Variants in PPP3R1 observed in about 807,000 individuals in gnomAD.
PPP3R1 encodes protein phosphatase 3 regulatory subunit B, alpha, also known as calcineurin subunit B type 1.
Under a neutral mutation model 22.6 loss-of-function variants are expected in PPP3R1, and 5 were observed. The observed-to-expected ratio is 0.22, with a 90% CI of 0.12 to 0.46. The LOEUF (loss-of-function observed/expected upper bound fraction) is 0.46. PPP3R1 is among the 20% of genes least tolerant of loss of function. The pLI, the probability that PPP3R1 is intolerant of heterozygous loss-of-function variation, is 0.99. For missense variants in PPP3R1, 61 were observed against 203.2 expected, an observed-to-expected ratio of 0.30 and a Z score of 4.25; for synonymous variants, 56 against 65.2, an observed-to-expected ratio of 0.86 and a Z score of 0.68.
chr2:68,239,749 C>T (rs1008456288), intron 1 of PPP3R1, among the ~76,000 whole-genome samples: 2 of 152,152 alleles, frequency 1.3e-5, no homozygotes, highest in Non-Finnish European at 2.9e-5. Context: ...GGGTCCTATG[C>T]TGGCAGCGGC....
At chr2:68,250,303 A>G (rs917486437) in intron 1 of PPP3R1, among the ~76,000 whole-genome samples, 1 of 152,212 alleles carries the variant, frequency 6.6e-6, no homozygotes, top group African/African-American at 2.4e-5. Context: ...CAGGAAAATA[A>G]GAAATTGAAG....
At chr2:68,223,105 G>C (rs1291922427) in intron 1 of PPP3R1, among the ~76,000 whole-genome samples, 1 of 152,106 alleles carries the variant, frequency 6.6e-6, no homozygotes, top group African/African-American at 2.4e-5. Flanking sequence ...CACAAAAAAA[G>C]AAAACTATGG....
At chr2:68,232,088 G>T (rs568160446) in intron 1 of PPP3R1, among the ~76,000 whole-genome samples, 1 of 108,408 alleles carries the variant, frequency 9.2e-6, no homozygotes, top group South Asian at 3.6e-4. Flanking sequence ...GGGAATACCC[G>T]TATCTACTAA....
intron 5 of PPP3R1, among the ~76,000 whole-genome samples, chr2:68,185,017 G>A (rs558915817): frequency 2.0e-4 from 30 of 152,208 alleles, no homozygotes; most frequent in African/African-American, 6.3e-4. Flanking sequence ...TCAGAAGATC[G>A]AGACCATCCT....
chr2:68,191,258 C>T (rs1225141707), intron 2 of PPP3R1, among the ~76,000 whole-genome samples: 1 of 152,102 alleles, frequency 6.6e-6, no homozygotes, highest in Non-Finnish European at 1.5e-5. Context: ...TACTACACAC[C>T]CAGGCTATAT....
intron 1 of PPP3R1, among the ~76,000 whole-genome samples, chr2:68,249,616 A>G (rs369398648): frequency 7.2e-5 from 11 of 152,192 alleles, no homozygotes; most frequent in African/African-American, 2.6e-4. Flanking sequence ...AATTCCTAGG[A>G]GCTCACTATT....
In PPP3R1 at chr2:68,198,062, C is replaced by CAAAAAAAAAAAAAAA. The variant is rs199824687; in HGVS notation, c.44-9387_44-9373dup. ...GCTCCCTTTACAACGGCACCTTTGG[C>CAAAAAAAAAAAAAAA]AAAAAAAAAAAAAAAAAAAAAAAAA... On this transcript the variant is annotated intron_variant, in intron 2 of 5. Transcript: ENST00000234310. 3.6e-4 allele frequency among the ~76,000 whole-genome samples: 15 copies of CAAAAAAAAAAAAAAA among 42,000 alleles called. 4 individuals carry two copies. The highest frequency in any genetic ancestry group is 1.4e-3 in the African/African-American group (13 of 9,096). The allele number at this position is 42,000 out of a possible 152,430, so 27.6% of individuals were successfully genotyped here. A position where few individuals can be genotyped will look rare whatever the true frequency, so the allele number is the denominator to read the frequency against.
At chr2:68,204,524 T>C (rs1234709210) in intron 2 of PPP3R1, among the ~76,000 whole-genome samples, 1 of 152,178 alleles carries the variant, frequency 6.6e-6, no homozygotes, top group Non-Finnish European at 1.5e-5. Context: ...AAATCATGGC[T>C]TTGTTACTTC....
intron 2 of PPP3R1, among the ~76,000 whole-genome samples, chr2:68,198,180 TATATA>T (rs1226726643): frequency 1.5e-4 from 22 of 143,758 alleles, no homozygotes; most frequent in African/African-American, 4.4e-4. Flanking sequence ...CATACATGTA[TATATA>T]ATATATATTT....
intron 2 of PPP3R1, 32 bp from the exon 3 acceptor site, chr2:68,188,722 T>G: frequency 6.5e-7 from 1 of 1,532,104 alleles, no homozygotes; most frequent in Non-Finnish European, 8.7e-7. Context: ...AGCAAGAATT[T>G]TTTAAAAATG....
At chr2:68,251,166 G>C (rs1209011899) in intron 1 of PPP3R1, 2 of 152,258 alleles carry the variant, frequency 1.3e-5, no homozygotes, top group African/African-American at 4.8e-5. Context: ...CCCCGAGCGA[G>C]AGAACCGGTA....
chr2:68,244,905 A>G (rs1572979726), intron 1 of PPP3R1, among the ~76,000 whole-genome samples: 1 of 152,248 alleles, frequency 6.6e-6, no homozygotes, highest in Non-Finnish European at 1.5e-5. Context: ...GACAAAGACA[A>G]GGCTTCTGCA....
At chr2:68,203,755 A>T (rs1675037201) in intron 2 of PPP3R1, among the ~76,000 whole-genome samples, 1 of 152,218 alleles carries the variant, frequency 6.6e-6, no homozygotes, top group African/African-American at 2.4e-5. Flanking sequence ...TTAAACTTTC[A>T]CATCACCTGT....
intron 4 of PPP3R1, among the ~76,000 whole-genome samples, chr2:68,186,870 G>A (rs918308342): frequency 6.6e-6 from 1 of 152,160 alleles, no homozygotes; most frequent in Non-Finnish European, 1.5e-5. Context: ...GCTTAGAGTA[G>A]GTTAACTATC....
intron 2 of PPP3R1, among the ~76,000 whole-genome samples, chr2:68,210,327 TTTTC>T (rs776602992): frequency 3.9e-5 from 6 of 152,174 alleles, no homozygotes; most frequent in Non-Finnish European, 7.4e-5. Flanking sequence ...AAGCATGTAA[TTTTC>T]TTTAAGTTCT....
chr2:68,229,621 C>T (rs569759556), intron 1 of PPP3R1, among the ~76,000 whole-genome samples: 1 of 152,044 alleles, frequency 6.6e-6, no homozygotes. Flanking sequence ...GATTGATTAA[C>T]CCTTTTATCA....
chr2:68,206,495 C>G (rs1277687998), intron 2 of PPP3R1, among the ~76,000 whole-genome samples: 1 of 152,132 alleles, frequency 6.6e-6, no homozygotes, highest in Non-Finnish European at 1.5e-5. Context: ...TTATTAAAAC[C>G]AGGTAATGCA....
chr2:68,252,062 G>A, intron 1 of PPP3R1, 63 bp downstream of exon 1: 11 of 1,347,722 alleles, frequency 8.2e-6, no homozygotes, highest in Admixed American at 4.7e-5. Context: ...GCTCGCCCCC[G>A]CACCCGACCC....
intron 1 of PPP3R1, among the ~76,000 whole-genome samples, chr2:68,247,096 C>T (rs935446224): frequency 6.7e-6 from 1 of 149,076 alleles, no homozygotes; most frequent in Non-Finnish European, 1.5e-5. Flanking sequence ...GCTGGCACTA[C>T]AGGCGTGTGC....
Sources: gnomAD v4.1 joint callset for allele counts (sites outside exome capture counted in the v4.1 genomes callset) on GRCh38, gnomAD v4.1.1 for gene constraint, MANE v1.5 for transcripts, NCBI Gene and HGNC (gene_info 2026-07-23, HGNC 2026-07-21) for gene names.